HTR3A: variants seen among roughly 807,000 people sequenced by gnomAD.
HTR3A encodes 5-hydroxytryptamine (serotonin) receptor 3A, ionotropic.
HTR3A carries 45 observed loss-of-function variants against 54.8 expected under a neutral mutation model. The ratio of observed to expected loss-of-function variants is 0.82; its 90% CI spans 0.65 to 1.05. The LOEUF is 1.05. HTR3A is among the 50% of genes least tolerant of loss of function. The pLI, the probability that HTR3A is intolerant of heterozygous loss-of-function variation, is 0.00. For synonymous variants in HTR3A, 297 were observed against 256.0 expected, an observed-to-expected ratio of 1.16 and a Z score of -1.53; for missense variants, 657 against 614.0, an observed-to-expected ratio of 1.07 and a Z score of -0.74.
At position 113,981,295 on chromosome 11, in the gene HTR3A, C is replaced by T. The variant is rs372830188; in HGVS notation, c.357C>T (p.Asp119=). 2 of 1,610,422 alleles carry T rather than the reference C, an allele frequency of 1.2e-6. No homozygotes were observed. Among genetic ancestry groups the T allele is most frequent in the African/African-American group, 2.7e-5 (2 of 74,852 alleles). Residue 119 remains aspartate (D), a synonymous_variant, in exon 4 of 9, where the codon GAC becomes GAT. Transcript: ENST00000504030. ...SIPTDSIWVP[D]ILINEFVDVG... is the part of the protein sequence containing the mutation. ...CCACGGACAGCATCTGGGTCCCGGA[C>T]ATTCTCATCAATGAGTTGTGAGTAC...
intron 1 of HTR3A, among the ~76,000 whole-genome samples, chr11:113,975,983 C>G (rs1286859394): frequency 1.3e-5 from 2 of 152,160 alleles, no homozygotes; most frequent in African/African-American, 4.8e-5. Context: ...TCCACATTCG[C>G]TACACCCATC....
intron 8 of HTR3A, among the ~76,000 whole-genome samples, chr11:113,988,845 G>C (rs17543605): frequency 0.041 from 6,212 of 152,282 alleles, 181 homozygotes; most frequent in Non-Finnish European, 0.059. Flanking sequence ...AGGCTATTGT[G>C]AGGCTCAAAT....
chr11:113,985,921 C>T, intron 5 of HTR3A, 94 bp from the exon 6 acceptor site: 5 of 1,341,896 alleles, frequency 3.7e-6, no homozygotes, highest in Non-Finnish European at 4.3e-6. Context: ...ATATCAGCTC[C>T]CCTTAATTGC....
At chr11:113,986,409 C>T (rs990161559) in intron 6 of HTR3A, 109 bp from the exon 7 acceptor site, 8 of 1,317,616 alleles carry the variant, frequency 6.1e-6, no homozygotes, top group Middle Eastern at 2.5e-4. Flanking sequence ...CTTCTCTGAG[C>T]AATCCAGGCT....
At position 113,986,126 on chromosome 11, in the gene HTR3A, G is replaced by A. The variant is rs745886965; in HGVS notation, c.656G>A (p.Arg219Gln). The change falls in exon 6 of 9, where the codon CGG (arginine) becomes CAG (glutamine). Residue 219 changes from arginine (R) to glutamine (Q), a missense_variant. Coordinates refer to ENST00000504030, the MANE Select transcript of HTR3A (RefSeq NM_000869.6). Reference sequence around the variant, plus strand: ...TTGCTGGGGGTGCTGCCCTACTTTCGGGAGTTCAGCATGGAAAGCAGTAAC... The same window carrying A: ...TTGCTGGGGGTGCTGCCCTACTTTCAGGAGTTCAGCATGGAAAGCAGTAAC... The part of the protein sequence containing the change: ...WELLGVLPYF[R>Q]EFSMESSNYY... The A allele has an allele frequency of 4.6e-5, 74 of 1,614,016 alleles. No homozygotes were observed. Among genetic ancestry groups the A allele is most frequent in the Middle Eastern group, 3.3e-4 (2 of 6,084 alleles).
chr11:113,976,179 G>A (rs1309606235), intron 1 of HTR3A, among the ~76,000 whole-genome samples: 1 of 152,184 alleles, frequency 6.6e-6, no homozygotes, highest in Non-Finnish European at 1.5e-5. Context: ...TGGGTAAGAT[G>A]TCCTTCCTCC....
rs186301416 is a variant in HTR3A at position 113,986,159 on chromosome 11, C to A, written c.689C>A (p.Ala230Glu). The A allele has an allele frequency of 6.2e-7, 1 of 1,614,156 alleles. No individual in the cohort carries two copies. The highest frequency in any genetic ancestry group is 1.3e-5 in the African/African-American group (1 of 75,026). ...AGCATGGAAAGCAGTAACTACTATGCAGAAATGAAGTTCTATGTGAGTGGG... is the reference window on the plus strand; with the variant it reads ...AGCATGGAAAGCAGTAACTACTATGAAGAAATGAAGTTCTATGTGAGTGGG... ...EFSMESSNYYAEMKFYVVIRR... is the reference protein window; with the variant it reads ...EFSMESSNYYEEMKFYVVIRR... Residue 230 changes from alanine to glutamate, a missense_variant, in exon 6 of 9, where the codon GCA becomes GAA. Physicochemically the swap from Ala to Glu is moderately radical, Grantham distance 107. Coordinates refer to ENST00000504030, the MANE Select transcript of HTR3A (RefSeq NM_000869.6).
intron 6 of HTR3A, 108 bp from the exon 7 acceptor site, chr11:113,986,410 A>T: frequency 7.5e-7 from 1 of 1,328,748 alleles, no homozygotes; most frequent in South Asian, 1.2e-5. Flanking sequence ...TTCTCTGAGC[A>T]ATCCAGGCTG....
chr11:113,986,605 T>C lies in HTR3A; in HGVS notation c.793T>C (p.Tyr265His). 6.2e-7 allele frequency: 1 copy of C among 1,613,784 alleles called. No individual in the cohort carries two copies. Among genetic ancestry groups the C allele is most frequent in the African/African-American group, 1.3e-5 (1 of 75,064 alleles). The change falls in exon 7 of 9, where the codon TAC becomes CAC. Residue 265 changes from tyrosine (Y) to histidine (H), a missense_variant. Transcript: ENST00000504030. ...CATGGTCATGGACATCGTGGGCTTC[T>C]ACCTGCCCCCCAACAGTGGCGAGAG... ...FLMVMDIVGF[Y>H]LPPNSGERVS...
intron 5 of HTR3A, among the ~76,000 whole-genome samples, chr11:113,985,164 A>G (rs1950474290): frequency 6.6e-6 from 1 of 152,194 alleles, no homozygotes; most frequent in African/African-American, 2.4e-5. Flanking sequence ...ACACATTTAC[A>G]TACACACATA....
rs556992029 is a variant in HTR3A at position 113,978,038 on chromosome 11, C to A, written c.219+116C>A. Reference sequence around the variant, plus strand: ...GGCATTTGAGAACCCATAGGACCTACGGTCTGGCACCACAGCTCAGGATGG... The same window carrying A: ...GGCATTTGAGAACCCATAGGACCTAAGGTCTGGCACCACAGCTCAGGATGG... On this transcript the variant is annotated intron_variant, in intron 2 of 8. Transcript: ENST00000504030. 3 of 1,197,110 alleles carry A rather than the reference C, an allele frequency of 2.5e-6. No homozygotes were observed. In the East Asian group the frequency reaches 7.0e-5, roughly 28 times the overall value. The allele number at this position is 1,197,110 out of a possible 1,614,324, so 74.2% of individuals were successfully genotyped here. A position where few individuals can be genotyped will look rare whatever the true frequency, so the allele number is the denominator to read the frequency against.
At chr11:113,977,158 C>A (rs1471446121) in intron 1 of HTR3A, among the ~76,000 whole-genome samples, 10 of 152,174 alleles carry the variant, frequency 6.6e-5, no homozygotes, top group Admixed American at 6.5e-4. Context: ...TTGTGTGTGC[C>A]TGGGGCAGGG....
rs760108889 is a variant in HTR3A, at chr11:113,986,510, G to A, written c.706-8G>A. 2.0e-5 allele frequency: 33 copies of A among 1,611,754 alleles called. No individual in the cohort carries two copies. The highest frequency in any genetic ancestry group is 4.5e-5 in the East Asian group (2 of 44,878). On this transcript the variant is annotated splice_region_variant and splice_polypyrimidine_tract_variant and intron_variant, in intron 6 of 8. Coordinates refer to ENST00000504030, the MANE Select transcript of HTR3A (RefSeq NM_000869.6). ...CCAGGCTTCCCACAAGCTCTTCTCC[G>A]GTCCCAGGTGGTCATCCGCCGGCGG... is the stretch of plus-strand genomic sequence containing the variant.
At chr11:113,982,449 T>C (rs1324160398) in intron 4 of HTR3A, among the ~76,000 whole-genome samples, 1 of 152,134 alleles carries the variant, frequency 6.6e-6, no homozygotes, top group Admixed American at 6.5e-5. Flanking sequence ...AACAGTGAAG[T>C]GGCCTTAGTC....
chr11:113,989,876 A>G lies in HTR3A; in HGVS notation c.*113A>G, dbSNP rs1318958830. 1 of 1,198,218 alleles carries G rather than the reference A, an allele frequency of 8.3e-7. No homozygotes were observed. The highest frequency in any genetic ancestry group is 1.2e-6 in the Non-Finnish European group (1 of 819,740). 74.2% of individuals were successfully genotyped at this position (1,198,218 alleles called of 1,614,324 possible). On this transcript the variant is annotated 3_prime_UTR_variant, in exon 9 of 9. Coordinates refer to ENST00000504030, the MANE Select transcript of HTR3A (RefSeq NM_000869.6). The surrounding 1 kb of genome is among the most constrained non-coding windows in gnomAD (Gnocchi z 4.4). ...TGCCAGGGACATTTTCAAGACACAG[A>G]CAAAGTCCCGTGCCCTGTTTCCAAT... is the stretch of plus-strand genomic sequence containing the variant.
rs183849659 is a variant in HTR3A, at chr11:113,985,626, G to T, written c.545-389G>T. ...GCAGTTCCATCAAGGCAAAGGTGAA[G>T]AATGTTGACTTTTGTTCATTGTTGC... On this transcript the variant is annotated intron_variant, in intron 5 of 8. Coordinates refer to ENST00000504030, the MANE Select transcript of HTR3A (RefSeq NM_000869.6). Among the ~76,000 whole-genome samples, 11 of 152,252 alleles carry T rather than the reference G, an allele frequency of 7.2e-5. No homozygotes were observed. The East Asian group carries it at 1.7e-3, about 24-fold the overall frequency.
At position 113,986,531 on chromosome 11, in the gene HTR3A, G is replaced by C; in HGVS notation, c.719G>C (p.Arg240Pro). The C allele has an allele frequency of 1.9e-6, 3 of 1,612,600 alleles. No individual in the cohort carries two copies. The highest frequency in any genetic ancestry group is 2.5e-6 in the Non-Finnish European group (3 of 1,180,012). ...AEMKFYVVIR[R>P]RPLFYVVSLL... Reference sequence around the variant, plus strand: ...CTCCGGTCCCAGGTGGTCATCCGCCGGCGGCCCCTCTTCTATGTGGTCAGC... The same window carrying C: ...CTCCGGTCCCAGGTGGTCATCCGCCCGCGGCCCCTCTTCTATGTGGTCAGC... Residue 240 changes from arginine to proline, a missense_variant, in exon 7 of 9, where the codon CGG (arginine) becomes CCG (proline). By Grantham distance (103) the Arg-to-Pro change is moderately radical (BLOSUM62 -2). Transcript: ENST00000504030.
chr11:113,983,244 G>A lies in HTR3A; in HGVS notation c.499G>A (p.Asp167Asn), dbSNP rs749767457. The A allele has an allele frequency of 3.4e-5, 55 of 1,614,096 alleles. No homozygotes were observed. The East Asian group carries it at 9.4e-4, about 27-fold the overall frequency. Residue 167 changes from aspartate to asparagine, a missense_variant, in exon 5 of 9, where the codon GAT (aspartate) becomes AAT (asparagine). Transcript: ENST00000504030. ...CSLDIYNFPF[D>N]VQNCSLTFTS... ...CCTCGACATCTACAACTTCCCCTTC[G>A]ATGTCCAGAACTGCTCGCTGACCTT...
intron 1 of HTR3A, chr11:113,977,441 C>G: frequency 9.1e-7 from 1 of 1,098,266 alleles, no homozygotes; most frequent in South Asian, 1.4e-5. Context: ...GAGGCCCTCG[C>G]TTAGGCCCCG....
Sources: allele counts gnomAD v4.1 joint callset (sites outside exome capture counted in the v4.1 genomes callset), GRCh38; gene constraint gnomAD v4.1.1; non-coding constraint Gnocchi (gnomAD v3.1); transcripts MANE v1.5; gene names NCBI Gene and HGNC (gene_info 2026-07-23, HGNC 2026-07-21).